The following FN1 variants were observed in gnomAD, a reference collection of about 807,000 sequenced individuals.
FN1 encodes the protein fibronectin.
FN1 carries 106 observed loss-of-function variants against 297.3 expected under a neutral mutation model. The ratio of observed to expected loss-of-function variants is 0.36; its 90% CI spans 0.30 to 0.42. The LOEUF is 0.42. Ranked by LOEUF, FN1 falls within the 10% of genes least tolerant of loss-of-function variation. The pLI is 1.00. For synonymous variants in FN1, 1,149 were observed against 1,152.6 expected (o/e 1.00, Z 0.06); for missense variants, 2,690 against 3,124.9 (o/e 0.86, Z 3.32).
At chr2:215,378,693 G>C (rs2057742875) in intron 34 of FN1, among the ~76,000 whole-genome samples, 2 of 152,104 alleles carry the variant, frequency 1.3e-5, no homozygotes, top group Admixed American at 1.3e-4. Flanking sequence ...CAGTCCCCTA[G>C]GTTCCTAGCA....
At chr2:215,365,999 G>A (rs992171632) in intron 42 of FN1, among the ~76,000 whole-genome samples, 2 of 57,420 alleles carry the variant, frequency 3.5e-5, no homozygotes, top group Non-Finnish European at 7.5e-5. Flanking sequence ...TGTATTTTTT[G>A]TAGAGATGGG....
Position 215,371,893 on chromosome 2 carries a change from G to C in FN1, c.6714+16C>G. 4 of 1,596,124 alleles carry C rather than the reference G, an allele frequency of 2.5e-6. No individual in the cohort carries two copies. The highest frequency in any genetic ancestry group is 3.4e-6 in the Non-Finnish European group (4 of 1,163,602). On this transcript the variant is annotated intron_variant, in intron 40 of 45. Transcript: ENST00000354785. ...TCTGTGCTGCCCCATGAGAAGTGAA[G>C]AGAACAATTAATTACCTGTAAGGGT...
At chr2:215,416,896 C>T (rs6731557) in intron 12 of FN1, among the ~76,000 whole-genome samples, 2 of 152,028 alleles carry the variant, frequency 1.3e-5, no homozygotes, top group African/African-American at 4.8e-5. Context: ...CATAAGATTT[C>T]GAGCACTGGT....
At chr2:215,384,835 G>T in intron 29 of FN1, 25 bp downstream of exon 29, 1 of 1,427,842 alleles carries the variant, frequency 7.0e-7, no homozygotes, top group Non-Finnish European at 9.9e-7. Context: ...TAATCAGAGT[G>T]TAAAATAGCA....
chr2:215,361,862 T>TG, intron 45 of FN1, 107 bp downstream of exon 45: 1 of 961,116 alleles, frequency 1.0e-6, no homozygotes, highest in Non-Finnish European at 1.4e-6. Context: ...TTATGAGTTG[T>TG]TTTTTTTTTT....
chr2:215,379,716 A>T (rs1447607221), intron 33 of FN1: 10 of 248,290 alleles, frequency 4.0e-5, no homozygotes, highest in Non-Finnish European at 7.9e-5. Flanking sequence ...TTAATTTAGA[A>T]ACGGTCTCTC....
chr2:215,425,435 G>A, intron 6 of FN1, 150 bp from the exon 7 acceptor site: 1 of 785,790 alleles, frequency 1.3e-6, no homozygotes, highest in Non-Finnish European at 2.2e-6. Flanking sequence ...CCCTTATTCA[G>A]CAGTAGCTTT....
intron 44 of FN1, chr2:215,363,708 T>G (rs2053969675): frequency 6.6e-6 from 1 of 152,230 alleles, no homozygotes; most frequent in Non-Finnish European, 1.5e-5. Flanking sequence ...TTTGGGGAGT[T>G]GCTGGGAGGG....
intron 13 of FN1, among the ~76,000 whole-genome samples, chr2:215,413,146 GCT>G (rs1239218967): frequency 1.3e-5 from 2 of 151,946 alleles, no homozygotes; most frequent in African/African-American, 4.8e-5. Context: ...ACAGAATCTC[GCT>G]CTGTTGCCCA....
chr2:215,370,224 T>TA, intron 41 of FN1, 70 bp downstream of exon 41: 1 of 1,494,080 alleles, frequency 6.7e-7, no homozygotes, highest in Non-Finnish European at 9.3e-7. Context: ...AAAGGTACAG[T>TA]CAACAGAAAA....
At position 215,404,531 on chromosome 2, in the gene FN1, T is replaced by G. The variant is rs7589580; in HGVS notation, c.3111A>C (p.Gly1037=). The part of the protein sequence containing the change: ...YRLTVGLTRR[G]QPRQYNVGPS... ...GACCCACATTGTACTGCCTGGGCTG[T>G]CCTCTTCGGGTAAGGCCCACGGTCA... is the stretch of plus-strand genomic sequence containing the variant. Residue 1037 remains glycine (G), a synonymous_variant, in exon 20 of 46, where the codon GGA becomes GGC. Coordinates refer to ENST00000354785, the MANE Select transcript of FN1 (RefSeq NM_212482.4). 0.38 allele frequency: 620,431 copies of G among 1,613,458 alleles called. 124,207 individuals carry two copies. Among genetic ancestry groups the G allele is most frequent in the South Asian group, 0.5 (45,193 of 91,050 alleles).
chr2:215,434,631 C>T, intron 2 of FN1, 65 bp downstream of exon 2: 1 of 1,586,004 alleles, frequency 6.3e-7, no homozygotes, highest in Non-Finnish European at 8.7e-7. Flanking sequence ...CTTACTAATG[C>T]AAAGTTTAAC....
Position 215,386,765 on chromosome 2 carries a change from G to T in FN1, c.4536C>A (p.Gly1512=), listed in dbSNP as rs749934732. ...CAACGATGCTGACCACATACTCTGT[G>T]CCTGGAGTGAGGTTGGTGAGGGTGA... ...NSITLTNLTP[G]TEYVVSIVAL... The change falls in exon 28 of 46, where the codon GGC becomes GGA. Residue 1512 remains glycine (G), a synonymous_variant. Transcript: ENST00000354785. 17 of 1,613,836 alleles carry T rather than the reference G, an allele frequency of 1.1e-5. No individual in the cohort carries two copies. In the Admixed American group the frequency reaches 2.8e-4, roughly 27 times the overall value.
At chr2:215,369,457 G>C (rs2055373571) in intron 41 of FN1, among the ~76,000 whole-genome samples, 1 of 152,118 alleles carries the variant, frequency 6.6e-6, no homozygotes, top group Admixed American at 6.6e-5. Flanking sequence ...ATGAGGGAAG[G>C]GGCTAAAATT....
chr2:215,435,551 C>T, intron 1 of FN1, 104 bp downstream of exon 1: 1 of 1,518,824 alleles, frequency 6.6e-7, no homozygotes, highest in Non-Finnish European at 9.0e-7. Flanking sequence ...AAAGCGCGCA[C>T]ACACTCGCAC....
chr2:215,363,741 G>A (rs2053978260), intron 44 of FN1: 2 of 148,912 alleles, frequency 1.3e-5, no homozygotes, highest in South Asian at 4.6e-4. Context: ...GAAAACAAAG[G>A]GCTGTCACAT....
intron 8 of FN1, among the ~76,000 whole-genome samples, chr2:215,423,758 A>C (rs201146047): frequency 1.2e-4 from 17 of 142,496 alleles, no homozygotes; most frequent in Admixed American, 1.2e-3. Flanking sequence ...CACCCCCCCC[A>C]CAAAAGATTA....
intron 24 of FN1, among the ~76,000 whole-genome samples, chr2:215,394,186 A>T (rs1024250268): frequency 6.6e-6 from 1 of 152,196 alleles, no homozygotes. Flanking sequence ...TGCATTTACC[A>T]TATTACTTTG....
intron 27 of FN1, 58 bp downstream of exon 27, chr2:215,388,154 G>T: frequency 2.5e-6 from 3 of 1,199,574 alleles, no homozygotes; most frequent in Non-Finnish European, 2.5e-6. Flanking sequence ...CATTTCATTT[G>T]TTATACAGAA....
Sources: gnomAD v4.1 joint callset for allele counts (sites outside exome capture counted in the v4.1 genomes callset) on GRCh38, gnomAD v4.1.1 for gene constraint, MANE v1.5 for transcripts, NCBI Gene and HGNC (gene_info 2026-07-23, HGNC 2026-07-21) for gene names.